TMEM150C: variants seen among roughly 807,000 people sequenced by gnomAD.
The protein encoded by TMEM150C is tentonin 3.
In TMEM150C, 10 loss-of-function variants were observed where a neutral mutation model predicts 29.9. The ratio of observed to expected loss-of-function variants is 0.33; its 90% CI spans 0.21 to 0.57. The LOEUF (loss-of-function observed/expected upper bound fraction) is 0.57, where lower values mean the gene tolerates loss of function less well. Ranked by LOEUF, TMEM150C falls within the 20% of genes least tolerant of loss-of-function variation. The pLI is 0.88. For missense variants in TMEM150C, 251 were observed against 303.6 expected (o/e 0.83, Z 1.29); for synonymous variants, 101 against 112.5 (o/e 0.90, Z 0.64).
intron 1 of TMEM150C, among the ~76,000 whole-genome samples, chr4:82,522,412 C>A (rs557454947): frequency 6.6e-6 from 1 of 152,268 alleles, no homozygotes; most frequent in South Asian, 2.1e-4. Flanking sequence ...CAATTTTATT[C>A]CCTGCTGAGT....
At chr4:82,495,169 G>A (rs1363874184) in intron 6 of TMEM150C, 3 of 396,764 alleles carry the variant, frequency 7.6e-6, no homozygotes, top group Non-Finnish European at 1.4e-5. Flanking sequence ...TTGACCAGGC[G>A]CGGTGGCTCA....
chr4:82,512,531 C>T (rs1321200163), intron 1 of TMEM150C, among the ~76,000 whole-genome samples: 1 of 152,160 alleles, frequency 6.6e-6, no homozygotes, highest in Non-Finnish European at 1.5e-5. Context: ...AAGTGTGGCC[C>T]TGTGAGTAAG....
chr4:82,529,250 C>T (rs1188603243), intron 1 of TMEM150C, among the ~76,000 whole-genome samples: 1 of 147,752 alleles, frequency 6.8e-6, no homozygotes, highest in African/African-American at 2.5e-5. Flanking sequence ...TCCCTCCCTC[C>T]CTCCCTCCCT....
chr4:82,549,304 C>T (rs1318594748), intron 1 of TMEM150C, among the ~76,000 whole-genome samples: 4 of 152,126 alleles, frequency 2.6e-5, no homozygotes, highest in Non-Finnish European at 2.9e-5. Flanking sequence ...AATGATGACA[C>T]GTACTACAAC....
chr4:82,530,357 A>C (rs1177188153), intron 1 of TMEM150C, among the ~76,000 whole-genome samples: 1 of 152,042 alleles, frequency 6.6e-6, no homozygotes, highest in Non-Finnish European at 1.5e-5. Context: ...GGAGATCGAG[A>C]CCATCCTGGC....
chr4:82,514,757 G>A (rs1256080652), intron 1 of TMEM150C, among the ~76,000 whole-genome samples: 2 of 152,132 alleles, frequency 1.3e-5, no homozygotes, highest in Admixed American at 1.3e-4. Context: ...TGGAATGTAA[G>A]CCTGCCTGGC....
At chr4:82,504,056 C>T (rs1004698695) in intron 2 of TMEM150C, among the ~76,000 whole-genome samples, 1 of 152,078 alleles carries the variant, frequency 6.6e-6, no homozygotes, top group African/African-American at 2.4e-5. Flanking sequence ...GTATTCTTCA[C>T]CACCGGCTTT....
At chr4:82,544,106 G>C (rs577852476) in intron 1 of TMEM150C, among the ~76,000 whole-genome samples, 3 of 152,310 alleles carry the variant, frequency 2.0e-5, no homozygotes, top group African/African-American at 7.2e-5. Context: ...AACATCAAGT[G>C]CAGTAAATAT....
chr4:82,515,715 C>T (rs11723534), intron 1 of TMEM150C, among the ~76,000 whole-genome samples: 17 of 149,442 alleles, frequency 1.1e-4, no homozygotes, highest in African/African-American at 3.7e-4. Context: ...TCTGCCTGGG[C>T]GACAGAGTGA....
At chr4:82,556,734 G>A (rs1296845790) in intron 1 of TMEM150C, among the ~76,000 whole-genome samples, 1 of 152,034 alleles carries the variant, frequency 6.6e-6, no homozygotes, top group African/African-American at 2.4e-5. Context: ...TCTCATCTTA[G>A]AGGCTTTACC....
chr4:82,510,112 T>A (rs1485438194), intron 1 of TMEM150C, among the ~76,000 whole-genome samples: 1 of 151,732 alleles, frequency 6.6e-6, no homozygotes, highest in African/African-American at 2.4e-5. Flanking sequence ...ACCCCATCTC[T>A]ACTAAAAATA....
chr4:82,499,624 G>A (rs901101632), intron 5 of TMEM150C, among the ~76,000 whole-genome samples: 1 of 150,022 alleles, frequency 6.7e-6, no homozygotes, highest in African/African-American at 2.5e-5. Flanking sequence ...TCGGGAGGCT[G>A]AGGCAGGAGA....
chr4:82,540,381 C>T (rs114575712), intron 1 of TMEM150C, among the ~76,000 whole-genome samples: 1,577 of 151,648 alleles, frequency 0.01, 28 homozygotes, highest in Non-Finnish European at 0.011. Context: ...TCCTAAAGTG[C>T]GGGGAACACA....
intron 1 of TMEM150C, among the ~76,000 whole-genome samples, chr4:82,551,399 C>T (rs912327260): frequency 3.9e-5 from 6 of 152,164 alleles, no homozygotes; most frequent in Admixed American, 3.9e-4. Flanking sequence ...ATTATGGCTA[C>T]ACATAGCAAT....
chr4:82,486,361 AAAG>A (rs1553904913), intron 7 of TMEM150C, among the ~76,000 whole-genome samples: 2 of 150,702 alleles, frequency 1.3e-5, no homozygotes, highest in Admixed American at 6.6e-5. Flanking sequence ...AAAAAAAAAA[AAAG>A]AAGAAAGCAC....
chr4:82,493,742 A>G (rs1047735969), intron 6 of TMEM150C, among the ~76,000 whole-genome samples: 1 of 152,338 alleles, frequency 6.6e-6, no homozygotes, highest in East Asian at 1.9e-4. Context: ...AAGACTCCCA[A>G]CAAAATTTCA....
In TMEM150C at chr4:82,489,080, T is replaced by TTTG. The variant is rs1553905144; in HGVS notation, c.541+978_541+980dup. Reference sequence around the variant, plus strand: ...TTTTTAGATTTTTTTTTTTTTTTTTTTTGTAGAGACAGGGTCTCCCTTTGT... The same window carrying TTTG: ...TTTTTAGATTTTTTTTTTTTTTTTTTTTGTTGTAGAGACAGGGTCTCCCTTTGT... On this transcript the variant is annotated intron_variant, in intron 7 of 7. Transcript: ENST00000449862. 4.0e-5 allele frequency among the ~76,000 whole-genome samples: 6 copies of TTTG among 151,468 alleles called. No individual in the cohort carries two copies. In the East Asian group the frequency reaches 1.2e-3, roughly 29 times the overall value.
At chr4:82,486,077 GGTAA>G (rs1312825053) in intron 7 of TMEM150C, among the ~76,000 whole-genome samples, 1 of 151,914 alleles carries the variant, frequency 6.6e-6, no homozygotes, top group Admixed American at 6.6e-5. Flanking sequence ...AGACCAAATG[GGTAA>G]GTAACTTGCC....
At chr4:82,520,710 C>A (rs1724454875) in intron 1 of TMEM150C, among the ~76,000 whole-genome samples, 2 of 152,124 alleles carry the variant, frequency 1.3e-5, no homozygotes, top group Admixed American at 6.5e-5. Context: ...TAGCAAGCCT[C>A]CATGTGTACA....
Sources: gnomAD v4.1 joint callset for allele counts (sites outside exome capture counted in the v4.1 genomes callset) on GRCh38, gnomAD v4.1.1 for gene constraint, MANE v1.5 for transcripts, NCBI Gene and HGNC (gene_info 2026-07-23, HGNC 2026-07-21) for gene names.